Variants in WDR70 observed in about 807,000 individuals in gnomAD.
WDR70 encodes WD repeat-containing protein 70.
WDR70 carries 53 observed loss-of-function variants against 88.6 expected under a neutral mutation model. The ratio of observed to expected loss-of-function variants is 0.60; its 90% CI spans 0.48 to 0.75. The LOEUF (loss-of-function observed/expected upper bound fraction) is 0.75. Ranked by LOEUF, WDR70 falls within the 30% of genes least tolerant of loss-of-function variation. WDR70 has a pLI of 0.00. For synonymous variants in WDR70, 280 were observed against 270.0 expected, an observed-to-expected ratio of 1.04 and a Z score of -0.36; for missense variants, 610 against 823.2, an observed-to-expected ratio of 0.74 and a Z score of 3.17.
intron 5 of WDR70, among the ~76,000 whole-genome samples, chr5:37,417,353 T>C (rs1280196450): frequency 6.6e-6 from 1 of 152,084 alleles, no homozygotes; most frequent in Non-Finnish European, 1.5e-5. Flanking sequence ...GTCTCCCTAG[T>C]AGCTGGAACT....
intron 9 of WDR70, among the ~76,000 whole-genome samples, chr5:37,536,148 A>T (rs1035579683): frequency 2.0e-5 from 3 of 152,150 alleles, no homozygotes; most frequent in African/African-American, 7.2e-5. Context: ...CCAAGATCTC[A>T]TCAGTATAAG....
At chr5:37,471,421 A>T (rs1156605968) in intron 7 of WDR70, among the ~76,000 whole-genome samples, 2 of 151,078 alleles carry the variant, frequency 1.3e-5, no homozygotes, top group Non-Finnish European at 2.9e-5. Context: ...ATCCTTTCTC[A>T]AATGGTTAAA....
chr5:37,697,071 A>G (rs936322631), intron 10 of WDR70, among the ~76,000 whole-genome samples: 10 of 152,180 alleles, frequency 6.6e-5, no homozygotes, highest in Middle Eastern at 3.2e-3. Flanking sequence ...AATGGAACCT[A>G]ACTTACAGAG....
intron 16 of WDR70, among the ~76,000 whole-genome samples, chr5:37,725,938 C>T (rs1747958297): frequency 6.6e-6 from 1 of 152,118 alleles, no homozygotes; most frequent in South Asian, 2.1e-4. Context: ...CAAATCTACC[C>T]CTGTAGCTTT....
chr5:37,731,969 T>C (rs1243766336), intron 17 of WDR70, among the ~76,000 whole-genome samples: 1 of 152,182 alleles, frequency 6.6e-6, no homozygotes, highest in Non-Finnish European at 1.5e-5. Context: ...ATTTCCAGGT[T>C]ATTGTTCTGA....
At chr5:37,464,222 T>G (rs1739093757) in intron 7 of WDR70, among the ~76,000 whole-genome samples, 1 of 152,168 alleles carries the variant, frequency 6.6e-6, no homozygotes, top group Non-Finnish European at 1.5e-5. Context: ...CAAATGGGAG[T>G]AGCATTAACA....
chr5:37,584,988 C>G lies in WDR70; in HGVS notation c.918-20076C>G, dbSNP rs1039060856. On this transcript the variant is annotated intron_variant, in intron 9 of 17. Coordinates refer to ENST00000265107, the MANE Select transcript of WDR70 (RefSeq NM_018034.4). The stretch of plus-strand genomic sequence containing the variant: ...ATCTGTAGTTACAGACATACTAGAT[C>G]TTTGTCCACTTTTTTTTTTGGAGAT... Among the ~76,000 whole-genome samples, 65 of 122,678 alleles carry G rather than the reference C, an allele frequency of 5.3e-4. 1 individual carries two copies. Among genetic ancestry groups the G allele is most frequent in the Non-Finnish European group, 1.9e-4 (10 of 53,246 alleles). The allele number at this position is 122,678 out of a possible 152,430, so 80.5% of individuals were successfully genotyped here. A position where few individuals can be genotyped will look rare whatever the true frequency, so the allele number is the denominator to read the frequency against.
At chr5:37,562,046 T>A (rs1005604326) in intron 9 of WDR70, among the ~76,000 whole-genome samples, 1 of 151,692 alleles carries the variant, frequency 6.6e-6, no homozygotes, top group African/African-American at 2.4e-5. Context: ...TAAGTGAAAA[T>A]TTTTCTTTGT....
At chr5:37,727,615 G>T (rs970764368) in intron 17 of WDR70, among the ~76,000 whole-genome samples, 1 of 152,030 alleles carries the variant, frequency 6.6e-6, no homozygotes, top group African/African-American at 2.4e-5. Context: ...TTGATCTGTT[G>T]CCCATGCTGG....
chr5:37,443,245 G>T lies in WDR70; in HGVS notation c.559G>T (p.Ala187Ser). ...TLKHGTKTVS[A>S]LGLDPSGARL... Reference sequence around the variant, plus strand: ...TTTATTTTTTTAAAACCAGGTGTCTGCTTTGGGTCTGGATCCCTCAGGTGC... The same window carrying T: ...TTTATTTTTTTAAAACCAGGTGTCTTCTTTGGGTCTGGATCCCTCAGGTGC... Residue 187 changes from alanine to serine, a missense_variant, in exon 7 of 18, where the codon GCT becomes TCT. Transcript: ENST00000265107. The T allele has an allele frequency of 6.2e-7, 1 of 1,611,094 alleles. No homozygotes were observed. The highest frequency in any genetic ancestry group is 2.2e-5 in the East Asian group (1 of 44,860).
intron 10 of WDR70, among the ~76,000 whole-genome samples, chr5:37,629,912 A>G (rs1354764711): frequency 6.6e-6 from 1 of 152,072 alleles, no homozygotes; most frequent in African/African-American, 2.4e-5. Context: ...TTTATTCACT[A>G]GGTGTCACAA....
chr5:37,665,882 G>A (rs566600903), intron 10 of WDR70, among the ~76,000 whole-genome samples: 8 of 152,240 alleles, frequency 5.3e-5, no homozygotes, highest in African/African-American at 1.7e-4. Context: ...TTTCCCTGGC[G>A]CCACTGGGCC....
chr5:37,564,336 C>T (rs1234417994), intron 9 of WDR70, among the ~76,000 whole-genome samples: 2 of 152,216 alleles, frequency 1.3e-5, no homozygotes, highest in African/African-American at 4.8e-5. Context: ...CCAGCCCGGC[C>T]AACACAGCGA....
At chr5:37,414,176 C>G (rs1749620437) in intron 5 of WDR70, among the ~76,000 whole-genome samples, 1 of 149,224 alleles carries the variant, frequency 6.7e-6, no homozygotes, top group Non-Finnish European at 1.5e-5. Flanking sequence ...AAATATATAT[C>G]AGATCTTGTC....
intron 10 of WDR70, among the ~76,000 whole-genome samples, chr5:37,682,039 G>A (rs1746451459): frequency 6.6e-6 from 1 of 152,102 alleles, no homozygotes; most frequent in African/African-American, 2.4e-5. Context: ...GAAAAATTCA[G>A]CTGTGAATCC....
In WDR70 at chr5:37,455,935, C is replaced by T. The variant is rs59948566; in HGVS notation, c.686+12563C>T. Among the ~76,000 whole-genome samples the T allele has an allele frequency of 8.8e-3, 1,340 of 152,080 alleles. 21 individuals are homozygous for T. Among genetic ancestry groups the T allele is most frequent in the African/African-American group, 0.03 (1,229 of 41,488 alleles). ...TTTGCCTCTGTCAGTAGTTTTGTTC[C>T]CTTTTATAGCTGTGTAGTACTCTTT... is the stretch of plus-strand genomic sequence containing the variant. On this transcript the variant is annotated intron_variant, in intron 7 of 17. Transcript: ENST00000265107.
At chr5:37,457,841 G>T (rs1044215213) in intron 7 of WDR70, among the ~76,000 whole-genome samples, 23 of 152,228 alleles carry the variant, frequency 1.5e-4, no homozygotes, top group Middle Eastern at 3.4e-3. Flanking sequence ...GTTTTAAAGG[G>T]TTGTGAACTT....
chr5:37,665,677 A>G (rs1226334973), intron 10 of WDR70, among the ~76,000 whole-genome samples: 1 of 152,132 alleles, frequency 6.6e-6, no homozygotes, highest in Non-Finnish European at 1.5e-5. Context: ...AGATAGGACT[A>G]TTTTCTGCAG....
chr5:37,495,225 G>A (rs1740178059), intron 8 of WDR70, among the ~76,000 whole-genome samples: 2 of 152,176 alleles, frequency 1.3e-5, no homozygotes, highest in South Asian at 4.1e-4. Flanking sequence ...CTCTAGTTAA[G>A]AAGAACTTTT....
Sources: gnomAD v4.1 joint callset for allele counts (sites outside exome capture counted in the v4.1 genomes callset) on GRCh38, gnomAD v4.1.1 for gene constraint, MANE v1.5 for transcripts, NCBI Gene and HGNC (gene_info 2026-07-23, HGNC 2026-07-21) for gene names.